The following JPH3 variants were observed in gnomAD, a reference collection of about 807,000 sequenced individuals.
JPH3 encodes the protein junctophilin 3.
Under a neutral mutation model 59.6 loss-of-function variants are expected in JPH3, and 11 were observed. The observed-to-expected ratio is 0.18, with a 90% CI of 0.12 to 0.31. The LOEUF is 0.31. Among genes scored for constraint, JPH3 ranks in the 10% least tolerant of loss-of-function variants. The pLI, the probability that JPH3 is intolerant of heterozygous loss-of-function variation, is 1.00. For synonymous variants in JPH3, 673 were observed against 483.6 expected (o/e 1.39, Z -5.14); for missense variants, 1,202 against 1,105.7 (o/e 1.09, Z -1.24).
chr16:87,617,574 C>T (rs545969539), intron 1 of JPH3, among the ~76,000 whole-genome samples: 3 of 143,648 alleles, frequency 2.1e-5, no homozygotes, highest in African/African-American at 7.9e-5. Flanking sequence ...GGGATGCCAC[C>T]TCTAGGGAGG....
chr16:87,647,580 G>A (rs565326994), intron 2 of JPH3, among the ~76,000 whole-genome samples: 3 of 152,314 alleles, frequency 2.0e-5, no homozygotes, highest in South Asian at 2.1e-4. Flanking sequence ...CCGAGCGGGC[G>A]TCGCGGGGAG....
At chr16:87,639,303 G>A (rs61599103) in intron 1 of JPH3, among the ~76,000 whole-genome samples, 3,664 of 152,046 alleles carry the variant, frequency 0.024, 127 homozygotes, top group African/African-American at 0.079. Flanking sequence ...GTTGGGATTC[G>A]AACTCAAGTC....
chr16:87,636,479 G>A (rs936813528), intron 1 of JPH3, among the ~76,000 whole-genome samples: 1 of 152,222 alleles, frequency 6.6e-6, no homozygotes, highest in African/African-American at 2.4e-5. Context: ...GGGAGCGAGG[G>A]AGAGGAGCAA....
intron 2 of JPH3, among the ~76,000 whole-genome samples, chr16:87,665,836 T>C (rs1321426085): frequency 2.0e-5 from 3 of 152,192 alleles, no homozygotes; most frequent in Non-Finnish European, 4.4e-5. Flanking sequence ...TCCCAGAATG[T>C]TCTGTCCCTG....
chr16:87,603,080 G>T lies in JPH3; in HGVS notation c.-67G>T. 6.3e-7 allele frequency: 1 copy of T among 1,593,172 alleles called. No homozygotes were observed. Among genetic ancestry groups the T allele is most frequent in the South Asian group, 1.1e-5 (1 of 89,766 alleles). On this transcript the variant is annotated 5_prime_UTR_variant, in exon 1 of 5. Coordinates refer to ENST00000284262, the MANE Select transcript of JPH3 (RefSeq NM_020655.4). The stretch of plus-strand genomic sequence containing the variant: ...GCGACCCAGGGCCGCCGGCGGCCGC[G>T]ACTCTGCTGTGTCGATCGCCTGAGT...
chr16:87,610,733 C>A (rs1451351193), intron 1 of JPH3, among the ~76,000 whole-genome samples: 1 of 152,086 alleles, frequency 6.6e-6, no homozygotes, highest in Non-Finnish European at 1.5e-5. Context: ...TGTCATTGCT[C>A]CTTAAGAGAC....
intron 2 of JPH3, among the ~76,000 whole-genome samples, chr16:87,648,099 GGT>G (rs1206286274): frequency 6.6e-6 from 1 of 152,230 alleles, no homozygotes; most frequent in East Asian, 1.9e-4. Context: ...ATGGGAGGCA[GGT>G]GTGTTTGTGA....
chr16:87,603,564 G>C, intron 1 of JPH3, 36 bp downstream of exon 1: 2 of 1,534,756 alleles, frequency 1.3e-6, no homozygotes, highest in Non-Finnish European at 1.8e-6. Context: ...CGGGGCGGGA[G>C]GGACGTGCTT....
intron 2 of JPH3, among the ~76,000 whole-genome samples, chr16:87,680,759 T>C (rs931969568): frequency 4.6e-5 from 7 of 152,204 alleles, no homozygotes; most frequent in Non-Finnish European, 1.0e-4. Flanking sequence ...ACCGCTGCAG[T>C]GCGTTTGGGA....
rs140115944 is a variant in JPH3 at position 87,644,316 on chromosome 16, C to T, written c.441C>T (p.Ser147=). The T allele has an allele frequency of 5.5e-5, 89 of 1,612,720 alleles. No individual in the cohort carries two copies. Among genetic ancestry groups the T allele is most frequent in the African/African-American group, 1.2e-4 (9 of 74,952 alleles). ...GMRQGYGVRQ[S]VPYGMAAVIR... is the part of the protein sequence containing the mutation. ...GCCAGGGCTACGGCGTCCGGCAGAG[C>T]GTCCCGTATGGCATGGCCGCGGTCA... Residue 147 remains serine (S), a synonymous_variant, in exon 2 of 5, where the codon AGC becomes AGT. Coordinates refer to ENST00000284262, the MANE Select transcript of JPH3 (RefSeq NM_020655.4).
chr16:87,667,513 C>A (rs150696671), intron 2 of JPH3, among the ~76,000 whole-genome samples: 1 of 152,180 alleles, frequency 6.6e-6, no homozygotes, highest in Non-Finnish European at 1.5e-5. Context: ...AAGTCGGGAG[C>A]GTGAGGACCC....
chr16:87,696,493 T>G, intron 4 of JPH3, 87 bp from the exon 5 acceptor site: 2 of 1,094,784 alleles, frequency 1.8e-6, no homozygotes, highest in Non-Finnish European at 2.8e-6. Flanking sequence ...TCTGCTAGCT[T>G]GGTGAAAAGA....
intron 4 of JPH3, among the ~76,000 whole-genome samples, chr16:87,693,195 C>T (rs2033653594): frequency 6.6e-6 from 1 of 152,248 alleles, no homozygotes; most frequent in Non-Finnish European, 1.5e-5. Context: ...CCATCTGCGC[C>T]TCAGGTCCCT....
Position 87,689,747 on chromosome 16 carries a change from A to C in JPH3, c.1387A>C (p.Lys463Gln), listed in dbSNP as rs779986176. Reference protein sequence around the residue: ...LQQESPELYRKGTTPSDLTPD... With the variant: ...LQQESPELYRQGTTPSDLTPD... ...GCAGGAGAGCCCCGAGCTGTACCGC[A>C]AGGGCACCACTCCCTCCGACCTGAC... Residue 463 changes from lysine to glutamine, a missense_variant, in exon 4 of 5, where the codon AAG becomes CAG. Lys to Gln is a moderately conservative substitution (Grantham distance 53, BLOSUM62 1). Transcript: ENST00000284262. 2.5e-6 allele frequency: 4 copies of C among 1,612,202 alleles called. No individual in the cohort carries two copies. The South Asian group carries it at 4.4e-5, about 18-fold the overall frequency.
Position 87,603,070 on chromosome 16 carries a change from CGG to C in JPH3, c.-76_-75del. The C allele has an allele frequency of 6.3e-7, 1 of 1,577,438 alleles. No individual in the cohort carries two copies. Among genetic ancestry groups the C allele is most frequent in the South Asian group, 1.1e-5 (1 of 87,564 alleles). On this transcript the variant is annotated 5_prime_UTR_variant, in exon 1 of 5. Coordinates refer to ENST00000284262, the MANE Select transcript of JPH3 (RefSeq NM_020655.4). ...GAAAACGCTCGCGACCCAGGGCCGC[CGG>C]CGGCCGCGACTCTGCTGTGTCGATC...
At chr16:87,684,114 C>G (rs199528594) in intron 2 of JPH3, 28 bp from the exon 3 acceptor site, 51 of 1,593,526 alleles carry the variant, frequency 3.2e-5, no homozygotes, top group Non-Finnish European at 2.7e-5. Context: ...CCCCTGCCCC[C>G]CCTCACGCTC....
rs111269981 is a variant in JPH3 at position 87,659,269 on chromosome 16, C to G, written c.1160+14234C>G. ...GCAGGCACCTGTAATCCCAGCTACT[C>G]AGGAAGCTGAGGCATGAGAATCACT... On this transcript the variant is annotated intron_variant, in intron 2 of 4. Transcript: ENST00000284262. 8.9e-3 allele frequency among the ~76,000 whole-genome samples: 1,350 copies of G among 150,846 alleles called. 18 individuals carry two copies. The highest frequency in any genetic ancestry group is 0.031 in the African/African-American group (1,279 of 40,876).
chr16:87,677,473 A>G (rs1056683711), intron 2 of JPH3, among the ~76,000 whole-genome samples: 2 of 152,236 alleles, frequency 1.3e-5, no homozygotes, highest in Admixed American at 1.3e-4. Context: ...CCAGCATAAG[A>G]ACAGCTGGGC....
At chr16:87,677,174 C>CTG (rs2033163164) in intron 2 of JPH3, among the ~76,000 whole-genome samples, 5 of 119,106 alleles carry the variant, frequency 4.2e-5, no homozygotes, top group African/African-American at 1.1e-4. Flanking sequence ...CACACACGCA[C>CTG]TATATATATA....
Sources: allele counts gnomAD v4.1 joint callset (sites outside exome capture counted in the v4.1 genomes callset), GRCh38; gene constraint gnomAD v4.1.1; transcripts MANE v1.5; gene names NCBI Gene and HGNC (gene_info 2026-07-23, HGNC 2026-07-21).